TTC6: variants seen among roughly 807,000 people sequenced by gnomAD.
The protein encoded by TTC6 is tetratricopeptide repeat domain 6, also known as tetratricopeptide repeat protein 6.
In TTC6, 172 loss-of-function variants were observed where a neutral mutation model predicts 210.4. The observed-to-expected ratio is 0.82, with a 90% confidence interval of 0.72 to 0.93. TTC6 has a LOEUF of 0.93. Among genes scored for constraint, TTC6 ranks in the 40% least tolerant of loss-of-function variants. The probability of loss-of-function intolerance (pLI) is 0.00; values close to 1 mark genes in which losing one functional copy is unlikely to be tolerated. For synonymous variants in TTC6, 804 were observed against 819.6 expected, an observed-to-expected ratio of 0.98 and a Z score of 0.32; for missense variants, 2,414 against 2,318.1, an observed-to-expected ratio of 1.04 and a Z score of -0.85.
At chr14:37,728,194 T>C (rs966096382) in intron 7 of TTC6, among the ~76,000 whole-genome samples, 3 of 152,130 alleles carry the variant, frequency 2.0e-5, no homozygotes, top group African/African-American at 7.2e-5. Context: ...TACTGTAATA[T>C]TGTTACATTT....
chr14:37,723,712 A>C (rs1374689948), intron 6 of TTC6, among the ~76,000 whole-genome samples: 2 of 150,596 alleles, frequency 1.3e-5, no homozygotes, highest in Non-Finnish European at 3.0e-5. Context: ...CTTTGGTTTT[A>C]TGTACACATT....
At chr14:37,792,456 T>A in intron 17 of TTC6, 42 bp downstream of exon 19, 1 of 1,407,466 alleles carries the variant, frequency 7.1e-7, no homozygotes, top group Non-Finnish European at 9.3e-7. Flanking sequence ...AAAAAAACTT[T>A]AATTTTCTGG....
chr14:37,739,282 A>C, intron 10 of TTC6, 127 bp downstream of exon 12: 1 of 999,762 alleles, frequency 1.0e-6, no homozygotes, highest in Non-Finnish European at 1.4e-6. Flanking sequence ...CACTCTTTGA[A>C]AGACAAACCT....
In TTC6 at chr14:37,773,051, A is replaced by G. The variant is rs141851759; in HGVS notation, c.3267-14417A>G. ...CTTATTGGCTGCATGTATGTCTTCT[A>G]TTGAAAAGTGTCTGTTCATGTCCTT... On this transcript the variant is annotated intron_variant, in intron 14 of 30. Transcript: ENST00000553443. 2.3e-3 allele frequency among the ~76,000 whole-genome samples: 350 copies of G among 152,260 alleles called. 1 individual carries two copies. Among genetic ancestry groups the G allele is most frequent in the Non-Finnish European group, 3.6e-3 (243 of 68,004 alleles).
intron 1 of TTC6, among the ~76,000 whole-genome samples, chr14:37,645,939 C>T (rs998121285): frequency 2.6e-5 from 4 of 152,142 alleles, no homozygotes; most frequent in African/African-American, 9.7e-5. Context: ...TAATATAACA[C>T]CCTTTTTGTA....
intron 1 of TTC6, among the ~76,000 whole-genome samples, chr14:37,649,410 C>G (rs1228381085): frequency 6.6e-6 from 1 of 152,120 alleles, no homozygotes; most frequent in African/African-American, 2.4e-5. Context: ...AAGCCCCTAG[C>G]CCAGGGACCC....
intron 17 of TTC6, among the ~76,000 whole-genome samples, chr14:37,793,633 TG>T (rs2096085630): frequency 6.6e-6 from 1 of 152,238 alleles, no homozygotes; most frequent in Admixed American, 6.5e-5. Context: ...GTGGTTCTTT[TG>T]CTTAACCCTG....
In TTC6 at chr14:37,804,870, G is replaced by A; in HGVS notation, c.4164+56G>A. The A allele has an allele frequency of 1.9e-6, 3 of 1,588,374 alleles. No homozygotes were observed. In the South Asian group the frequency reaches 3.5e-5, roughly 18 times the overall value. ...TTGTGATTTTAGAGACTGGTTGCTTGTATGCAATTCTGTTTCTGAAGGCCA... is the reference window on the plus strand; with the variant it reads ...TTGTGATTTTAGAGACTGGTTGCTTATATGCAATTCTGTTTCTGAAGGCCA... On this transcript the variant is annotated intron_variant, in intron 21 of 30. Transcript: ENST00000553443.
intron 1 of TTC6, among the ~76,000 whole-genome samples, chr14:37,628,863 A>AC (rs1454811444): frequency 6.6e-6 from 1 of 152,214 alleles, no homozygotes; most frequent in East Asian, 1.9e-4. Context: ...TTAAATAGTG[A>AC]ATCCTTTTCC....
chr14:37,638,679 A>C (rs1244435124), intron 1 of TTC6, among the ~76,000 whole-genome samples: 2 of 152,118 alleles, frequency 1.3e-5, no homozygotes, highest in Non-Finnish European at 2.9e-5. Flanking sequence ...GGCATTTTGT[A>C]TCTTGACTGT....
chr14:37,630,925 T>G (rs1157048074), intron 1 of TTC6, among the ~76,000 whole-genome samples: 18 of 98,666 alleles, frequency 1.8e-4, no homozygotes, highest in Non-Finnish European at 2.7e-4. Flanking sequence ...TTTTTTTTTT[T>G]TTTTTTTTTT....
Position 37,749,376 on chromosome 14 carries a change from A to C in TTC6, c.2801A>C (p.Gln934Pro), listed in dbSNP as rs929415370. ...ATTTATAGGAAACTGGGAAAGTTGC[A>C]GAGTGCCATGAATGATCTGCAGAGA... is the stretch of plus-strand genomic sequence containing the variant. The change falls in exon 11 of 31, where the codon CAG becomes CCG. Residue 934 changes from glutamine to proline, a missense_variant. Transcript: ENST00000553443. 7.5e-6 allele frequency: 11 copies of C among 1,457,650 alleles called. No individual in the cohort carries two copies. The African/African-American group carries it at 1.6e-4, about 21-fold the overall frequency. 90.3% of individuals were successfully genotyped at this position (1,457,650 alleles called of 1,614,324 possible). A position where few individuals can be genotyped will look rare whatever the true frequency, so the allele number is the denominator to read the frequency against.
Position 37,761,627 on chromosome 14 carries a change from C to A in TTC6, c.3266+8392C>A, listed in dbSNP as rs141889668. ...TGCCTTTGTCTTTCCTGGGGGAAGA[C>A]AACCACTGTCTATTTTAATCACTTC... On this transcript the variant is annotated intron_variant, in intron 14 of 30. Transcript: ENST00000553443. 5.3e-5 allele frequency among the ~76,000 whole-genome samples: 8 copies of A among 150,640 alleles called. No homozygotes were observed. The East Asian group carries it at 1.6e-3, about 30-fold the overall frequency.
chr14:37,752,119 C>T (rs2139041182), intron 13 of TTC6, among the ~76,000 whole-genome samples: 1 of 152,172 alleles, frequency 6.6e-6, no homozygotes, highest in South Asian at 2.1e-4. Context: ...GCCACCGTGC[C>T]CGGCCAGGAA....
chr14:37,722,157 C>T (rs113905674), intron 6 of TTC6, among the ~76,000 whole-genome samples: 19 of 151,970 alleles, frequency 1.3e-4, no homozygotes, highest in African/African-American at 3.1e-4. Context: ...TGCATCAGCT[C>T]GTAGTATGCA....
chr14:37,633,688 A>C (rs1216105898), intron 1 of TTC6, among the ~76,000 whole-genome samples: 1 of 152,190 alleles, frequency 6.6e-6, no homozygotes, highest in Non-Finnish European at 1.5e-5. Flanking sequence ...GAGACAGTGG[A>C]GTGTCTAAAC....
chr14:37,602,607 C>CA (rs1239579041), intron 1 of TTC6, among the ~76,000 whole-genome samples: 1 of 152,152 alleles, frequency 6.6e-6, no homozygotes, highest in Non-Finnish European at 1.5e-5. Flanking sequence ...CTCCCACCCC[C>CA]ACTGTCCCAC....
intron 25 of TTC6, among the ~76,000 whole-genome samples, chr14:37,813,178 T>G (rs2096133592): frequency 6.6e-6 from 1 of 152,204 alleles, no homozygotes; most frequent in Admixed American, 6.5e-5. Context: ...CCAAGATGAT[T>G]ATTTTTCTAT....
chr14:37,681,615 T>C (rs1365135049), intron 2 of TTC6, among the ~76,000 whole-genome samples: 2 of 152,256 alleles, frequency 1.3e-5, no homozygotes, highest in African/African-American at 4.8e-5. Context: ...TACCGGGTCA[T>C]GGATGCTTCC....
Sources: allele counts gnomAD v4.1 joint callset (sites outside exome capture counted in the v4.1 genomes callset), GRCh38; gene constraint gnomAD v4.1.1; transcripts MANE v1.5; gene names NCBI Gene and HGNC (gene_info 2026-07-23, HGNC 2026-07-21).